The following RNPEP variants were observed in gnomAD, a reference collection of about 807,000 sequenced individuals.
RNPEP encodes arginyl aminopeptidase, also known as aminopeptidase B.
In RNPEP, 57 loss-of-function variants were observed where a neutral mutation model predicts 70.1. The observed-to-expected ratio is 0.81, with a 90% CI of 0.66 to 1.01. The LOEUF (loss-of-function observed/expected upper bound fraction) is 1.01, where lower values mean the gene tolerates loss of function less well. RNPEP is among the 50% of genes least tolerant of loss of function. RNPEP has a pLI of 0.00. For missense variants in RNPEP, 787 were observed against 852.4 expected (o/e 0.92, Z 0.96); for synonymous variants, 335 against 357.4 (o/e 0.94, Z 0.71).
intron 3 of RNPEP, among the ~76,000 whole-genome samples, chr1:201,990,407 G>A (rs1683285012): frequency 6.6e-6 from 1 of 152,198 alleles, no homozygotes; most frequent in African/African-American, 2.4e-5. Flanking sequence ...GATTTTGTAA[G>A]GTTTCCTGAT....
rs554234518 is a variant in RNPEP at position 201,988,373 on chromosome 1, G to A, written c.448-531G>A. ...CTTGGGAGGCTGAGGCATGAGAATT[G>A]CTTGAACCTGGGAGGTCGAGGTTGC... On this transcript the variant is annotated intron_variant, in intron 1 of 10. Transcript: ENST00000295640. Among the ~76,000 whole-genome samples the A allele has an allele frequency of 3.4e-3, 492 of 146,790 alleles. 3 individuals carry two copies. The highest frequency in any genetic ancestry group is 0.012 in the African/African-American group (474 of 39,654).
intron 1 of RNPEP, among the ~76,000 whole-genome samples, chr1:201,986,929 G>A (rs1683150957): frequency 6.6e-6 from 1 of 152,182 alleles, no homozygotes; most frequent in African/African-American, 2.4e-5. Flanking sequence ...GGCTGAAGCA[G>A]TGATTATCAG....
Position 201,999,906 on chromosome 1 carries a change from T to A in RNPEP, c.1095T>A (p.Ala365=), listed in dbSNP as rs372089515. The stretch of plus-strand genomic sequence containing the variant: ...TTACGTTTGATTCTGCACCAGGCGC[T>A]GCGTACACCTGCTTGGAGGCTGCAA... The part of the protein sequence containing the change: ...QRRISTILFG[A]AYTCLEAATG... Residue 365 remains alanine (A), a synonymous_variant, in exon 6 of 11, where the codon GCT becomes GCA. Coordinates refer to ENST00000295640, the MANE Select transcript of RNPEP (RefSeq NM_020216.4). 12 of 1,612,870 alleles carry A rather than the reference T, an allele frequency of 7.4e-6. No individual in the cohort carries two copies. The highest frequency in any genetic ancestry group is 1.1e-5 in the South Asian group (1 of 90,802).
intron 6 of RNPEP, among the ~76,000 whole-genome samples, chr1:202,000,825 C>T (rs1217704796): frequency 6.7e-6 from 1 of 149,260 alleles, no homozygotes; most frequent in African/African-American, 2.5e-5. Context: ...CCCCAGGAGG[C>T]AGAGGTTGCA....
intron 8 of RNPEP, among the ~76,000 whole-genome samples, chr1:202,002,763 C>G (rs1683880036): frequency 6.6e-6 from 1 of 152,176 alleles, no homozygotes; most frequent in African/African-American, 2.4e-5. Flanking sequence ...TGTTTATTTG[C>G]TCATGTAATC....
At chr1:202,000,514 A>C (rs1021276751) in intron 6 of RNPEP, among the ~76,000 whole-genome samples, 6 of 152,172 alleles carry the variant, frequency 3.9e-5, no homozygotes, top group African/African-American at 1.4e-4. Flanking sequence ...CTAATCTGAA[A>C]CCTTTTTATG....
chr1:201,985,719 C>T (rs1306915602), intron 1 of RNPEP, among the ~76,000 whole-genome samples: 2 of 152,162 alleles, frequency 1.3e-5, no homozygotes, highest in African/African-American at 4.8e-5. Flanking sequence ...AATCATTTTA[C>T]ATTAGTATAA....
intron 3 of RNPEP, among the ~76,000 whole-genome samples, chr1:201,991,481 G>T (rs1403376525): frequency 6.6e-6 from 1 of 152,190 alleles, no homozygotes; most frequent in Non-Finnish European, 1.5e-5. Context: ...GTTACTGCAA[G>T]AGGAAAATCC....
Position 202,000,013 on chromosome 1 carries a change from C to T in RNPEP, c.1202C>T (p.Pro401Leu). The T allele has an allele frequency of 6.2e-7, 1 of 1,611,432 alleles. No homozygotes were observed. Among genetic ancestry groups the T allele is most frequent in the South Asian group, 1.1e-5 (1 of 90,716 alleles). Reference protein sequence around the residue: ...PLNKLRVKIEPGVDPDDTYNE... With the variant: ...PLNKLRVKIELGVDPDDTYNE... Reference sequence around the variant, plus strand: ...AACAAGCTCCGCGTGAAGATTGAACCAGGTCCAGGAGGCTCCTCTGTCTGA... The same window carrying T: ...AACAAGCTCCGCGTGAAGATTGAACTAGGTCCAGGAGGCTCCTCTGTCTGA... Residue 401 changes from proline to leucine, a missense_variant and splice_region_variant, in exon 6 of 11, where the codon CCA becomes CTA. By Grantham distance (98) the Pro-to-Leu change is moderately conservative. Coordinates refer to ENST00000295640, the MANE Select transcript of RNPEP (RefSeq NM_020216.4).
Position 201,997,448 on chromosome 1 carries a change from C to T in RNPEP, c.984C>T (p.Ser328=). The T allele has an allele frequency of 6.2e-7, 1 of 1,614,090 alleles. No homozygotes were observed. Among genetic ancestry groups the T allele is most frequent in the Middle Eastern group, 1.6e-4 (1 of 6,062 alleles). The change falls in exon 5 of 11, where the codon TCC becomes TCT. Residue 328 remains serine, a synonymous_variant. Transcript: ENST00000295640. ...SLADVIIHEI[S]HSWFGNLVTN... is the part of the protein sequence containing the mutation. The stretch of plus-strand genomic sequence containing the variant: ...CAGATGTCATCATCCATGAGATCTC[C>T]CACAGTTGGTTTGGGAACCTGGTCA...
At chr1:201,984,711 A>C (rs989901963) in intron 1 of RNPEP, among the ~76,000 whole-genome samples, 1 of 152,148 alleles carries the variant, frequency 6.6e-6, no homozygotes, top group African/African-American at 2.4e-5. Flanking sequence ...CACTAGTCTA[A>C]GTGCTTGACA....
At chr1:201,989,612 G>A in intron 3 of RNPEP, 81 bp downstream of exon 3, 3 of 1,503,880 alleles carry the variant, frequency 2.0e-6, no homozygotes, top group South Asian at 1.2e-5. Flanking sequence ...CTGCTGGGGG[G>A]GTTCTTGGGC....
rs779459919 is a variant in RNPEP at position 202,005,693 on chromosome 1, A to G, written c.1930A>G (p.Ile644Val). 2 of 1,614,202 alleles carry G rather than the reference A, an allele frequency of 1.2e-6. No homozygotes were observed. Among genetic ancestry groups the G allele is most frequent in the Non-Finnish European group, 1.7e-6 (2 of 1,180,026 alleles). ...HSNVVNYVQQ[I>V]VAPKGS is the part of the protein sequence containing the mutation. ...CAATGTTGTCAACTATGTCCAGCAG[A>G]TCGTGGCACCCAAGGGCAGTTAGAG... is the stretch of plus-strand genomic sequence containing the variant. Residue 644 changes from isoleucine to valine, a missense_variant, in exon 11 of 11, where the codon ATC becomes GTC. Physicochemically the swap from Ile to Val is conservative, Grantham distance 29. Coordinates refer to ENST00000295640, the MANE Select transcript of RNPEP (RefSeq NM_020216.4).
intron 1 of RNPEP, chr1:201,983,725 T>A: frequency 8.8e-7 from 1 of 1,139,616 alleles, no homozygotes; most frequent in Non-Finnish European, 1.1e-6. Flanking sequence ...ATAAGCATTA[T>A]AATAATTTGG....
At position 201,982,686 on chromosome 1, in the gene RNPEP, C is replaced by T. The variant is rs1432291279; in HGVS notation, c.20C>T (p.Ser7Phe). The change falls in exon 1 of 11, where the codon TCC (serine) becomes TTC (phenylalanine). Residue 7 changes from serine to phenylalanine, a missense_variant. Coordinates refer to ENST00000295640, the MANE Select transcript of RNPEP (RefSeq NM_020216.4). Reference protein sequence around the residue: MASGEHSPGSGAARRPL... With the variant: MASGEHFPGSGAARRPL... ...GCGGCCATGGCGAGCGGCGAGCATT[C>T]CCCCGGCAGCGGCGCGGCCCGGCGG... is the stretch of plus-strand genomic sequence containing the variant. 6.5e-6 allele frequency: 9 copies of T among 1,389,732 alleles called. No individual in the cohort carries two copies. In the Admixed American group the frequency reaches 1.6e-4, roughly 24 times the overall value. The allele number at this position is 1,389,732 out of a possible 1,614,324, so 86.1% of individuals were successfully genotyped here.
At chr1:201,989,305 GC>G in intron 2 of RNPEP, 77 bp from the exon 3 acceptor site, 1 of 1,514,828 alleles carries the variant, frequency 6.6e-7, no homozygotes, top group South Asian at 1.2e-5. Flanking sequence ...CACACAGGTG[GC>G]CGGTCATGCT....
chr1:201,992,346 A>C (rs1683370836), intron 3 of RNPEP, among the ~76,000 whole-genome samples: 1 of 151,794 alleles, frequency 6.6e-6, no homozygotes, highest in Non-Finnish European at 1.5e-5. Context: ...GGGTTTCTTG[A>C]CCTCTACTCA....
intron 3 of RNPEP, among the ~76,000 whole-genome samples, chr1:201,991,229 C>A (rs1171331669): frequency 1.3e-5 from 2 of 152,174 alleles, no homozygotes; most frequent in Non-Finnish European, 2.9e-5. Flanking sequence ...ATTCTCCTGC[C>A]TCAGCCTCCC....
Position 202,000,006 on chromosome 1 carries a change from A to T in RNPEP, c.1195A>T (p.Ile399Phe). Residue 399 changes from isoleucine (I) to phenylalanine (F), a missense_variant, in exon 6 of 11, where the codon ATT becomes TTT. By Grantham distance (21) the Ile-to-Phe change is conservative. Coordinates refer to ENST00000295640, the MANE Select transcript of RNPEP (RefSeq NM_020216.4). Reference protein sequence around the residue: ...ENPLNKLRVKIEPGVDPDDTY... With the variant: ...ENPLNKLRVKFEPGVDPDDTY... ...CCCACTCAACAAGCTCCGCGTGAAGATTGAACCAGGTCCAGGAGGCTCCTC... is the reference window on the plus strand; with the variant it reads ...CCCACTCAACAAGCTCCGCGTGAAGTTTGAACCAGGTCCAGGAGGCTCCTC... 1 of 1,613,084 alleles carries T rather than the reference A, an allele frequency of 6.2e-7. No individual in the cohort carries two copies. Among genetic ancestry groups the T allele is most frequent in the African/African-American group, 1.3e-5 (1 of 75,018 alleles).
Sources: allele counts gnomAD v4.1 joint callset (sites outside exome capture counted in the v4.1 genomes callset), GRCh38; gene constraint gnomAD v4.1.1; transcripts MANE v1.5; gene names NCBI Gene and HGNC (gene_info 2026-07-23, HGNC 2026-07-21).